The following MORC1 variants were observed in gnomAD, a reference collection of about 807,000 sequenced individuals.
The protein encoded by MORC1 is MORC family CW-type zinc finger protein 1.
A neutral mutation model predicts 134.9 loss-of-function variants in MORC1; 59 were observed. That is an observed-to-expected ratio of 0.44 (90% confidence interval 0.35 to 0.54). The LOEUF is 0.54. Among genes scored for constraint, MORC1 ranks in the 20% least tolerant of loss-of-function variants. The probability of loss-of-function intolerance (pLI) is 0.00; values close to 1 mark genes in which losing one functional copy is unlikely to be tolerated. For synonymous variants in MORC1, 395 were observed against 391.7 expected (o/e 1.01, Z -0.10); for missense variants, 947 against 1,134.5 (o/e 0.83, Z 2.37).
Position 109,035,356 on chromosome 3 carries a change from T to C in MORC1, c.1443A>G (p.Pro481=), listed in dbSNP as rs148118053. ...AACACTCACCACATTGTATGATGAA[T>C]GGGATACCCATGGCTTGTCTTCTTT... is the stretch of plus-strand genomic sequence containing the variant. ...QYQRRQAMGI[P]FIIQCDLCLK... Residue 481 remains proline (P), a synonymous_variant, in exon 15 of 28, where the codon CCA becomes CCG. Transcript: ENST00000232603. The C allele has an allele frequency of 1.4e-5, 22 of 1,590,814 alleles. No homozygotes were observed. The African/African-American group carries it at 2.4e-4, about 18-fold the overall frequency.
At chr3:109,077,965 T>C (rs1248075818) in intron 8 of MORC1, among the ~76,000 whole-genome samples, 1 of 151,860 alleles carries the variant, frequency 6.6e-6, no homozygotes, top group Non-Finnish European at 1.5e-5. Context: ...GAGATTAATA[T>C]TAGACAAAAA....
Position 108,979,452 on chromosome 3 carries a change from G to A in MORC1, c.2477+63C>T, listed in dbSNP as rs903812460. ...TTAAAACTCAGTAGGGAAAACAACAGGAGTTGTCACTGCTTAGAAAGTTAA... is the reference window on the plus strand; with the variant it reads ...TTAAAACTCAGTAGGGAAAACAACAAGAGTTGTCACTGCTTAGAAAGTTAA... On this transcript the variant is annotated intron_variant, in intron 24 of 27. Coordinates refer to ENST00000232603, the MANE Select transcript of MORC1 (RefSeq NM_014429.4). 7 of 1,546,354 alleles carry A rather than the reference G, an allele frequency of 4.5e-6. No individual in the cohort carries two copies. In the Admixed American group the frequency reaches 1.2e-4, roughly 27 times the overall value.
At chr3:109,021,215 T>A (rs1157791704) in intron 17 of MORC1, among the ~76,000 whole-genome samples, 1 of 152,188 alleles carries the variant, frequency 6.6e-6, no homozygotes, top group Non-Finnish European at 1.5e-5. Flanking sequence ...TAGTCCCTGA[T>A]TAACATGCAC....
At chr3:109,040,953 G>C (rs1040484348) in intron 14 of MORC1, among the ~76,000 whole-genome samples, 1 of 151,508 alleles carries the variant, frequency 6.6e-6, no homozygotes, top group Non-Finnish European at 1.5e-5. Context: ...TTATGGAGCT[G>C]AAAAAATACT....
chr3:108,997,009 CAAAAAAA>C (rs36087713), intron 21 of MORC1, among the ~76,000 whole-genome samples: 9 of 31,544 alleles, frequency 2.9e-4, no homozygotes, highest in African/African-American at 3.6e-4. Context: ...GACTCTGTCT[CAAAAAAA>C]AAAAAAAAAA....
At chr3:108,970,269 G>C (rs1947341902) in intron 25 of MORC1, among the ~76,000 whole-genome samples, 3 of 151,406 alleles carry the variant, frequency 2.0e-5, no homozygotes, top group African/African-American at 7.3e-5. Flanking sequence ...AGGGAGGAAA[G>C]CAAAAAAAAT....
intron 20 of MORC1, 131 bp downstream of exon 20, chr3:109,004,686 A>AT: frequency 1.2e-6 from 1 of 845,694 alleles, no homozygotes; most frequent in Non-Finnish European, 1.8e-6. Context: ...AACCTTGATT[A>AT]CAGGGTAACA....
At chr3:109,067,767 T>A (rs1041045323) in intron 9 of MORC1, among the ~76,000 whole-genome samples, 1 of 152,208 alleles carries the variant, frequency 6.6e-6, no homozygotes, top group Non-Finnish European at 1.5e-5. Context: ...CAAAAGATGA[T>A]GGGCAGTATA....
At chr3:109,027,432 G>A (rs552842394) in intron 17 of MORC1, among the ~76,000 whole-genome samples, 2 of 152,228 alleles carry the variant, frequency 1.3e-5, no homozygotes, top group East Asian at 1.9e-4. Flanking sequence ...TTTGTGTTGC[G>A]CCTTGACCAC....
intron 6 of MORC1, 124 bp from the exon 7 acceptor site, chr3:109,095,192 T>C (rs890917628): frequency 1.1e-6 from 1 of 871,996 alleles, no homozygotes; most frequent in Non-Finnish European, 1.7e-6. Flanking sequence ...AAAGTTCATT[T>C]TCCTCCTATA....
intron 8 of MORC1, among the ~76,000 whole-genome samples, chr3:109,090,744 A>G (rs1325130843): frequency 6.6e-6 from 1 of 151,982 alleles, no homozygotes; most frequent in Non-Finnish European, 1.5e-5. Context: ...TCACATTCCT[A>G]CACAGAAAAT....
At chr3:109,025,413 A>T in intron 17 of MORC1, among the ~76,000 whole-genome samples, 2 of 110,578 alleles carry the variant, frequency 1.8e-5, no homozygotes, top group Admixed American at 1.2e-4. Context: ...TTTGAGACAG[A>T]GTCTCATCTT....
intron 14 of MORC1, among the ~76,000 whole-genome samples, chr3:109,053,397 G>A (rs986369429): frequency 1.3e-5 from 2 of 152,046 alleles, no homozygotes; most frequent in Non-Finnish European, 2.9e-5. Flanking sequence ...ACAGTGGACT[G>A]GATAAAGAAA....
chr3:109,022,426 A>G (rs1209776032), intron 17 of MORC1, among the ~76,000 whole-genome samples: 3 of 152,244 alleles, frequency 2.0e-5, no homozygotes, highest in African/African-American at 4.8e-5. Context: ...AAAACAATCA[A>G]TGTGGGAATT....
At chr3:109,047,705 C>T (rs188384730) in intron 14 of MORC1, among the ~76,000 whole-genome samples, 44 of 152,160 alleles carry the variant, frequency 2.9e-4, no homozygotes, top group African/African-American at 9.2e-4. Context: ...TTTTAATTGT[C>T]TCTTACTCTT....
At chr3:109,038,819 C>T (rs1324135552) in intron 14 of MORC1, among the ~76,000 whole-genome samples, 1 of 152,118 alleles carries the variant, frequency 6.6e-6, no homozygotes, top group Non-Finnish European at 1.5e-5. Context: ...GTACCAGTAC[C>T]ATGCTGTTTT....
rs549983507 is a variant in MORC1, at chr3:109,095,910, T to G, written c.424-842A>C. Among the ~76,000 whole-genome samples, 10 of 152,234 alleles carry G rather than the reference T, an allele frequency of 6.6e-5. No individual in the cohort carries two copies. The East Asian group carries it at 1.9e-3, about 29-fold the overall frequency. ...AGGCCCCACTCACAGTCTCAGAGCT[T>G]GCACTCGTCATTTTACTGGACTTAT... is the stretch of plus-strand genomic sequence containing the variant. On this transcript the variant is annotated intron_variant, in intron 6 of 27. Coordinates refer to ENST00000232603, the MANE Select transcript of MORC1 (RefSeq NM_014429.4).
chr3:109,087,085 A>G (rs768767214), intron 8 of MORC1, among the ~76,000 whole-genome samples: 7 of 151,986 alleles, frequency 4.6e-5, no homozygotes, highest in Non-Finnish European at 5.9e-5. Flanking sequence ...ATGAGTTAAT[A>G]TTTGTAATAC....
At chr3:109,012,626 A>G (rs1034101775) in intron 17 of MORC1, among the ~76,000 whole-genome samples, 10 of 152,170 alleles carry the variant, frequency 6.6e-5, no homozygotes, top group Admixed American at 6.5e-4. Context: ...CAGGTCTTAC[A>G]TGTATTTCGT....
Sources: gnomAD v4.1 joint callset for allele counts (sites outside exome capture counted in the v4.1 genomes callset) on GRCh38, gnomAD v4.1.1 for gene constraint, MANE v1.5 for transcripts, NCBI Gene and HGNC (gene_info 2026-07-23, HGNC 2026-07-21) for gene names.